Variants in SLF1 observed in about 807,000 individuals in gnomAD.
SLF1 encodes the protein SMC5-SMC6 complex localization factor protein 1.
SLF1 carries 105 observed loss-of-function variants against 123.0 expected under a neutral mutation model. The observed-to-expected ratio is 0.85, with a 90% CI of 0.73 to 1.00. SLF1 has a LOEUF of 1.00. SLF1 is among the 50% of genes least tolerant of loss of function. The pLI is 0.00. For missense variants in SLF1, 1,239 were observed against 1,223.0 expected, an observed-to-expected ratio of 1.01 and a Z score of -0.20; for synonymous variants, 434 against 406.6, an observed-to-expected ratio of 1.07 and a Z score of -0.81.
At chr5:94,667,891 G>T (rs915223527) in intron 12 of SLF1, among the ~76,000 whole-genome samples, 1 of 152,120 alleles carries the variant, frequency 6.6e-6, no homozygotes, top group Non-Finnish European at 1.5e-5. Context: ...TGGGACTACA[G>T]GCATGTGCTC....
chr5:94,685,308 TTCTTC>T (rs1300288526), intron 15 of SLF1, among the ~76,000 whole-genome samples: 5 of 152,216 alleles, frequency 3.3e-5, no homozygotes, highest in South Asian at 2.1e-4. Flanking sequence ...ATAATTTTAA[TTCTTC>T]TCTTCTGCTG....
At chr5:94,638,246 T>A (rs1443755374) in intron 4 of SLF1, among the ~76,000 whole-genome samples, 1 of 152,140 alleles carries the variant, frequency 6.6e-6, no homozygotes, top group Non-Finnish European at 1.5e-5. Flanking sequence ...TGGCGCGATC[T>A]CAGCTCACTG....
chr5:94,689,062 AG>A (rs368899311), intron 17 of SLF1, among the ~76,000 whole-genome samples: 22 of 152,306 alleles, frequency 1.4e-4, no homozygotes, highest in African/African-American at 5.3e-4. Context: ...GGTGTATAAA[AG>A]TGTATGTTGT....
intron 19 of SLF1, 62 bp downstream of exon 19, chr5:94,691,718 T>C (rs914981187): frequency 8.2e-7 from 1 of 1,212,388 alleles, no homozygotes; most frequent in South Asian, 1.5e-5. Context: ...TAAACAGTTT[T>C]ATATCACATT....
At chr5:94,659,780 G>A (rs1027992698) in intron 9 of SLF1, among the ~76,000 whole-genome samples, 4 of 152,174 alleles carry the variant, frequency 2.6e-5, no homozygotes, top group Non-Finnish European at 4.4e-5. Context: ...GTCATCACAG[G>A]TCTGGGTAGG....
Position 94,643,391 on chromosome 5 carries a change from G to C in SLF1, c.550G>C (p.Ala184Pro), listed in dbSNP as rs1191759405. The C allele has an allele frequency of 1.3e-6, 2 of 1,534,800 alleles. No homozygotes were observed. The highest frequency in any genetic ancestry group is 8.8e-7 in the Non-Finnish European group (1 of 1,136,684). Reference sequence around the variant, plus strand: ...TGAGAAAGAAAAAGATAACTTTAAGGCTCCATTTTATCCAATTCAGTATCT... The same window carrying C: ...TGAGAAAGAAAAAGATAACTTTAAGCCTCCATTTTATCCAATTCAGTATCT... ...KAEKEKDNFKAPFYPIQYLGD... is the reference protein window; with the variant it reads ...KAEKEKDNFKPPFYPIQYLGD... Residue 184 changes from alanine (A) to proline (P), a missense_variant, in exon 5 of 21, where the codon GCT becomes CCT. Coordinates refer to ENST00000265140, the MANE Select transcript of SLF1 (RefSeq NM_032290.4).
intron 8 of SLF1, 53 bp downstream of exon 8, chr5:94,653,474 C>G: frequency 7.3e-7 from 1 of 1,376,156 alleles, no homozygotes; most frequent in South Asian, 1.4e-5. Context: ...TGGCTGTTCT[C>G]TGATATAATC....
intron 20 of SLF1, among the ~76,000 whole-genome samples, chr5:94,694,577 TTTGTAG>T (rs1467012033): frequency 2.0e-5 from 3 of 151,916 alleles, no homozygotes; most frequent in Non-Finnish European, 4.4e-5. Flanking sequence ...AAAGTTTTTA[TTTGTAG>T]TTGTATTTAT....
Position 94,670,974 on chromosome 5 carries a change from T to C in SLF1, c.1793T>C (p.Ile598Thr). 6.5e-7 allele frequency: 1 copy of C among 1,548,190 alleles called. No homozygotes were observed. Among genetic ancestry groups the C allele is most frequent in the African/African-American group, 1.4e-5 (1 of 73,082 alleles). ...GTAAATATGCTTTTGGAATGGACTA[T>C]ATATTCTCACAAGGAAAAATTCAAG... is the stretch of plus-strand genomic sequence containing the variant. ...KPVNMLLEWT[I>T]YSHKEKFKSN... Residue 598 changes from isoleucine (I) to threonine (T), a missense_variant, in exon 14 of 21, where the codon ATA becomes ACA. Ile to Thr is a moderately conservative substitution (Grantham distance 89, BLOSUM62 -1). Transcript: ENST00000265140.
intron 1 of SLF1, among the ~76,000 whole-genome samples, chr5:94,623,350 GTTAA>G (rs1434086421): frequency 6.6e-6 from 1 of 151,856 alleles, no homozygotes; most frequent in Non-Finnish European, 1.5e-5. Flanking sequence ...ACTAATTTTT[GTTAA>G]TTATAGATAA....
intron 15 of SLF1, among the ~76,000 whole-genome samples, chr5:94,683,822 T>C (rs907313623): frequency 6.6e-5 from 10 of 152,346 alleles, no homozygotes; most frequent in East Asian, 5.8e-4. Context: ...CCAGCTTGGC[T>C]TTCTGTTATT....
intron 17 of SLF1, among the ~76,000 whole-genome samples, chr5:94,688,957 C>T (rs2152498261): frequency 6.6e-6 from 1 of 152,168 alleles, no homozygotes; most frequent in African/African-American, 2.4e-5. Flanking sequence ...ACTACTTTGC[C>T]ATAATATAGA....
At chr5:94,656,132 T>G (rs1043505054) in intron 9 of SLF1, among the ~76,000 whole-genome samples, 1 of 152,064 alleles carries the variant, frequency 6.6e-6, no homozygotes, top group African/African-American at 2.4e-5. Context: ...GCCTAGTTGG[T>G]TGAGAGTTTT....
chr5:94,663,543 T>A (rs1241743714), intron 10 of SLF1, among the ~76,000 whole-genome samples: 1 of 152,082 alleles, frequency 6.6e-6, no homozygotes, highest in East Asian at 1.9e-4. Flanking sequence ...ATTCAGGAGG[T>A]TGAGGCAGGA....
At chr5:94,636,418 G>C (rs1356287252) in intron 4 of SLF1, among the ~76,000 whole-genome samples, 1 of 151,882 alleles carries the variant, frequency 6.6e-6, no homozygotes, top group African/African-American at 2.4e-5. Context: ...CAGTTATTAG[G>C]TCTCATAATT....
upstream of SLF1, chr5:94,618,269 C>T (rs1456231143): frequency 6.6e-6 from 1 of 152,202 alleles, no homozygotes; most frequent in Admixed American, 6.5e-5. Flanking sequence ...CACTTGGTGA[C>T]CCGAGGTCGA....
chr5:94,631,391 T>C (rs1745180533), intron 4 of SLF1, among the ~76,000 whole-genome samples: 1 of 152,230 alleles, frequency 6.6e-6, no homozygotes, highest in Non-Finnish European at 1.5e-5. Context: ...TATAATGTTC[T>C]CTTGTGTCCT....
At chr5:94,625,414 C>T (rs867540312) in intron 1 of SLF1, among the ~76,000 whole-genome samples, 5 of 151,650 alleles carry the variant, frequency 3.3e-5, no homozygotes, top group Non-Finnish European at 5.9e-5. Context: ...GACAGAGTCT[C>T]GCTCTGTCAC....
At position 94,695,424 on chromosome 5, in the gene SLF1, CTT is replaced by C. The variant is rs1753456959; in HGVS notation, c.*114_*115del. 2.4e-6 allele frequency: 3 copies of C among 1,250,432 alleles called. No individual in the cohort carries two copies. Among genetic ancestry groups the C allele is most frequent in the Admixed American group, 5.7e-5 (2 of 35,152 alleles). 77.5% of individuals were successfully genotyped at this position (1,250,432 alleles called of 1,614,324 possible). A position where few individuals can be genotyped will look rare whatever the true frequency, so the allele number is the denominator to read the frequency against. ...GTAATTTGATTTATTTATTGACAGA[CTT>C]TGCAGCCTTGCTAAATTTTAAAAGC... On this transcript the variant is annotated 3_prime_UTR_variant, in exon 21 of 21. Transcript: ENST00000265140.
Sources: allele counts gnomAD v4.1 joint callset (sites outside exome capture counted in the v4.1 genomes callset), GRCh38; gene constraint gnomAD v4.1.1; transcripts MANE v1.5; gene names NCBI Gene and HGNC (gene_info 2026-07-23, HGNC 2026-07-21).